The following OTOF variants were observed in gnomAD, a reference collection of about 807,000 sequenced individuals.
OTOF encodes otoferlin.
In OTOF, 218 loss-of-function variants were observed where a neutral mutation model predicts 236.8. That is an observed-to-expected ratio of 0.92 (90% CI 0.82 to 1.03). The LOEUF (loss-of-function observed/expected upper bound fraction) is 1.03, where lower values mean the gene tolerates loss of function less well. Ranked by LOEUF, OTOF falls within the 50% of genes least tolerant of loss-of-function variation. OTOF has a pLI of 0.00. For synonymous variants in OTOF, 1,041 were observed against 1,072.5 expected (o/e 0.97, Z 0.57); for missense variants, 2,590 against 2,694.4 (o/e 0.96, Z 0.86).
intron 18 of OTOF, among the ~76,000 whole-genome samples, chr2:26,478,627 T>C (rs567759400): frequency 6.6e-6 from 1 of 152,288 alleles, no homozygotes; most frequent in East Asian, 1.9e-4. Context: ...GCTCCTGAGC[T>C]TCAGACACTG....
Position 26,501,676 on chromosome 2 carries a change from G to A in OTOF, c.765+78C>T, listed in dbSNP as rs1284623030. The A allele has an allele frequency of 1.0e-5, 10 of 989,972 alleles. No homozygotes were observed. In the South Asian group the frequency reaches 1.0e-4, roughly 10 times the overall value. 61.3% of individuals were successfully genotyped at this position (989,972 alleles called of 1,614,324 possible). ...ACCCCTGGATCCATGCCTCAGTATA[G>A]TGGATAATGCACATCCGGCTAGAAT... On this transcript the variant is annotated intron_variant, in intron 8 of 46. Transcript: ENST00000272371.
Position 26,483,613 on chromosome 2 carries a change from C to T in OTOF, c.1241G>A (p.Arg414His), listed in dbSNP as rs202229610. The T allele has an allele frequency of 3.7e-6, 6 of 1,613,082 alleles. No homozygotes were observed. The highest frequency in any genetic ancestry group is 1.7e-5 in the Admixed American group (1 of 60,022). Residue 414 changes from arginine to histidine, a missense_variant, in exon 13 of 47, where the codon CGC becomes CAC. By Grantham distance (29) the Arg-to-His change is conservative (BLOSUM62 0). Transcript: ENST00000272371. ...LLLPEGVPPE[R>H]QWARFYVKIY... ...TTTCACATAGAACCGGGCCCACTGG[C>T]GTTCGGGGGGCACCCCCTCGGGGAG...
intron 24 of OTOF, among the ~76,000 whole-genome samples, 154 bp from the exon 25 acceptor site, chr2:26,475,647 T>C (rs1392141485): frequency 6.6e-6 from 1 of 152,150 alleles, no homozygotes; most frequent in African/African-American, 2.4e-5. Flanking sequence ...TCAAGGCTAA[T>C]ATGAGGTTTG....
intron 41 of OTOF, 97 bp downstream of exon 41, chr2:26,463,386 C>T: frequency 9.7e-7 from 1 of 1,030,574 alleles, no homozygotes; most frequent in Non-Finnish European, 1.5e-6. Flanking sequence ...TGGCCAAGGC[C>T]ATCTGGACCT....
chr2:26,508,021 C>A (rs950879887), intron 5 of OTOF, among the ~76,000 whole-genome samples: 1 of 152,072 alleles, frequency 6.6e-6, no homozygotes, highest in African/African-American at 2.4e-5. Context: ...ATTTAGTGAC[C>A]CGAGTGTTTC....
At chr2:26,475,337 T>C in intron 25 of OTOF, 22 bp downstream of exon 25, 1 of 1,612,468 alleles carries the variant, frequency 6.2e-7, no homozygotes, top group Non-Finnish European at 8.5e-7. Context: ...CTGGGGTCCC[T>C]GGCACCAGAG....
In OTOF at chr2:26,459,915, T is replaced by C. The variant is rs568750453; in HGVS notation, c.*17+93A>G. 2.5e-6 allele frequency: 3 copies of C among 1,194,854 alleles called. No homozygotes were observed. In the South Asian group the frequency reaches 4.0e-5, roughly 16 times the overall value. The allele number at this position is 1,194,854 out of a possible 1,614,324, so 74.0% of individuals were successfully genotyped here. A position where few individuals can be genotyped will look rare whatever the true frequency, so the allele number is the denominator to read the frequency against. On this transcript the variant is annotated intron_variant, in intron 46 of 46. Coordinates refer to ENST00000272371, the MANE Select transcript of OTOF (RefSeq NM_194248.3). ...GTGTGTTTGTGTGCACATGTATGCA[T>C]ATTTGTGTTTGTGGATGTGTGCGTG...
Position 26,468,603 on chromosome 2 carries a change from T to C in OTOF, c.4024-129A>G, listed in dbSNP as rs1457724788. ...AAAATCTTCCCTACTGCATTTCAAG[T>C]CCACCATGTGCTCTGCTTAAGTGGG... is the stretch of plus-strand genomic sequence containing the variant. On this transcript the variant is annotated intron_variant, in intron 32 of 46. Transcript: ENST00000272371. 7.1e-5 allele frequency: 55 copies of C among 777,192 alleles called. 2 individuals are homozygous for C. The Admixed American group carries it at 8.5e-4, about 12-fold the overall frequency. 48.1% of individuals were successfully genotyped at this position (777,192 alleles called of 1,614,324 possible).
chr2:26,507,707 A>C (rs1039153888), intron 5 of OTOF, among the ~76,000 whole-genome samples: 1 of 152,210 alleles, frequency 6.6e-6, no homozygotes, highest in African/African-American at 2.4e-5. Flanking sequence ...GGCGTATTAA[A>C]GCTTGAGAAG....
In OTOF at chr2:26,475,983, G is replaced by A. The variant is rs780234165; in HGVS notation, c.2922C>T (p.Ala974=). The A allele has an allele frequency of 5.6e-6, 9 of 1,612,628 alleles. No individual in the cohort carries two copies. The highest frequency in any genetic ancestry group is 4.4e-5 in the South Asian group (4 of 90,990). The part of the protein sequence containing the change: ...AHMYQARSLF[A]ADSSGLSDPF... ...GGTCTGAGAGTCCGCTGCTGTCGGCGGCAAAGAGGCTGCGGGCCTGGTACA... is the reference window on the plus strand; with the variant it reads ...GGTCTGAGAGTCCGCTGCTGTCGGCAGCAAAGAGGCTGCGGGCCTGGTACA... Residue 974 remains alanine, a synonymous_variant, in exon 24 of 47, where the codon GCC becomes GCT. Coordinates refer to ENST00000272371, the MANE Select transcript of OTOF (RefSeq NM_194248.3).
At chr2:26,464,585 T>G (rs1200934213) in intron 39 of OTOF, among the ~76,000 whole-genome samples, 1 of 152,218 alleles carries the variant, frequency 6.6e-6, no homozygotes, top group East Asian at 1.9e-4. Flanking sequence ...AAGTAGGATC[T>G]TGGTTTGTTT....
intron 3 of OTOF, among the ~76,000 whole-genome samples, chr2:26,521,924 C>T (rs1298366083): frequency 3.3e-5 from 5 of 152,192 alleles, no homozygotes; most frequent in Non-Finnish European, 5.9e-5. Context: ...CACCGGCACT[C>T]GGATGCCAGC....
chr2:26,556,748 G>A (rs574605019), intron 1 of OTOF, among the ~76,000 whole-genome samples: 3 of 152,152 alleles, frequency 2.0e-5, no homozygotes, highest in African/African-American at 7.2e-5. Flanking sequence ...TGAATGCCAC[G>A]CGCAGTGTTC....
intron 30 of OTOF, among the ~76,000 whole-genome samples, chr2:26,471,376 C>T (rs1664968029): frequency 6.6e-6 from 1 of 152,224 alleles, no homozygotes. Flanking sequence ...GAACAGTGGG[C>T]TGTGTTCCAG....
chr2:26,557,890 C>A (rs1012011888), intron 1 of OTOF, among the ~76,000 whole-genome samples: 6 of 151,816 alleles, frequency 4.0e-5, no homozygotes, highest in Non-Finnish European at 2.9e-5. Context: ...CTACCCCTAT[C>A]CTTGGGACAC....
chr2:26,529,555 G>A (rs1666890227), intron 2 of OTOF, among the ~76,000 whole-genome samples: 1 of 152,148 alleles, frequency 6.6e-6, no homozygotes, highest in Admixed American at 6.5e-5. Flanking sequence ...AGGCCCTCGG[G>A]AGGAGGCTTC....
intron 3 of OTOF, among the ~76,000 whole-genome samples, chr2:26,519,819 C>A (rs1041842187): frequency 1.3e-5 from 2 of 152,202 alleles, no homozygotes; most frequent in African/African-American, 4.8e-5. Flanking sequence ...TGTTGGAGGA[C>A]TGAATGAGAT....
Position 26,474,621 on chromosome 2 carries a change from T to G in OTOF, c.3180A>C (p.Ala1060=). The change falls in exon 26 of 47, where the codon GCA becomes GCC. Residue 1060 remains alanine, a synonymous_variant. Transcript: ENST00000272371. The part of the protein sequence containing the change: ...RTFAKPLVKM[A]DEAYCPPRFP... ...AGCGGGGTGGGCAGTACGCCTCGTCTGCCATCTTCACCAGGGGTTTGGCGA... is the reference window on the plus strand; with the variant it reads ...AGCGGGGTGGGCAGTACGCCTCGTCGGCCATCTTCACCAGGGGTTTGGCGA... 6.2e-7 allele frequency: 1 copy of G among 1,613,344 alleles called. No individual in the cohort carries two copies. Among genetic ancestry groups the G allele is most frequent in the South Asian group, 1.1e-5 (1 of 91,084 alleles).
chr2:26,476,865 C>CCCATCCATCCTGCCCCCT, intron 22 of OTOF, 26 bp downstream of exon 22: 1 of 1,601,972 alleles, frequency 6.2e-7, no homozygotes, highest in Non-Finnish European at 8.5e-7. Context: ...GACCCAGGCC[C>CCCATCCATCCTGCCCCCT]CCATCCATCC....
Sources: gnomAD v4.1 joint callset for allele counts (sites outside exome capture counted in the v4.1 genomes callset) on GRCh38, gnomAD v4.1.1 for gene constraint, MANE v1.5 for transcripts, NCBI Gene and HGNC (gene_info 2026-07-23, HGNC 2026-07-21) for gene names.